Variants in WWOX observed in about 807,000 individuals in gnomAD.
WWOX encodes WW domain containing oxidoreductase.
WWOX carries 69 observed loss-of-function variants against 46.2 expected under a neutral mutation model. The ratio of observed to expected loss-of-function variants is 1.49; its 90% confidence interval spans 1.23 to 1.82. The LOEUF is 1.82. Ranked by LOEUF, WWOX falls within the 40% of genes most tolerant of loss-of-function variation. WWOX has a pLI of 0.00. For synonymous variants in WWOX, 359 were observed against 202.6 expected, an observed-to-expected ratio of 1.77 and a Z score of -6.56; for missense variants, 919 against 542.6, an observed-to-expected ratio of 1.69 and a Z score of -6.89.
At chr16:78,373,740 T>C (rs1046778068) in intron 5 of WWOX, among the ~76,000 whole-genome samples, 4 of 152,186 alleles carry the variant, frequency 2.6e-5, no homozygotes, top group African/African-American at 7.2e-5. Flanking sequence ...TGTATTTCAT[T>C]GTGTTTTCTT....
At chr16:78,769,817 GACAACATAGGGAGGTCCTGTCTCT>G (rs2050020341) in intron 8 of WWOX, among the ~76,000 whole-genome samples, 2 of 150,440 alleles carry the variant, frequency 1.3e-5, no homozygotes, top group African/African-American at 4.9e-5. Context: ...GATCAGTGTG[GACAACATAGGGAGGTCCTGTCTCT>G]ACAAAAAATA....
intron 8 of WWOX, among the ~76,000 whole-genome samples, chr16:78,982,149 G>A (rs908290882): frequency 2.7e-5 from 4 of 146,952 alleles, no homozygotes; most frequent in Non-Finnish European, 6.0e-5. Flanking sequence ...CAGAGGAAAA[G>A]AAGAAAAAAA....
intron 8 of WWOX, among the ~76,000 whole-genome samples, chr16:79,189,520 C>T (rs546338021): frequency 1.6e-4 from 24 of 151,570 alleles, no homozygotes; most frequent in Non-Finnish European, 2.9e-4. Context: ...AGGCCGGTCT[C>T]AAACTCCTAG....
intron 8 of WWOX, among the ~76,000 whole-genome samples, chr16:78,758,550 T>G (rs1283679160): frequency 6.6e-6 from 1 of 152,226 alleles, no homozygotes; most frequent in African/African-American, 2.4e-5. Flanking sequence ...ATCTATACTT[T>G]TCAACACAAT....
chr16:79,023,040 T>C (rs2047565813), intron 8 of WWOX, among the ~76,000 whole-genome samples: 1 of 151,218 alleles, frequency 6.6e-6, no homozygotes. Context: ...TGCTGTTGGC[T>C]TATTGAAAAA....
chr16:78,522,368 G>C (rs2043367529), intron 8 of WWOX, among the ~76,000 whole-genome samples: 1 of 152,122 alleles, frequency 6.6e-6, no homozygotes, highest in African/African-American at 2.4e-5. Flanking sequence ...GTGTTTCTGA[G>C]GCCAAGCCTT....
chr16:78,841,096 T>A (rs1200428142), intron 8 of WWOX, among the ~76,000 whole-genome samples: 1 of 152,138 alleles, frequency 6.6e-6, no homozygotes, highest in Non-Finnish European at 1.5e-5. Flanking sequence ...GACATTCATT[T>A]CGGTAAAAAA....
intron 8 of WWOX, among the ~76,000 whole-genome samples, chr16:79,015,055 G>A (rs1458786845): frequency 1.3e-5 from 2 of 152,164 alleles, no homozygotes; most frequent in Non-Finnish European, 2.9e-5. Flanking sequence ...CCTTTCTCCT[G>A]CTGTCATCCT....
intron 5 of WWOX, among the ~76,000 whole-genome samples, chr16:78,255,963 A>G (rs2038118659): frequency 6.6e-6 from 1 of 151,996 alleles, no homozygotes; most frequent in Non-Finnish European, 1.5e-5. Flanking sequence ...CAGCCTGGCC[A>G]ACATGGTGAA....
intron 8 of WWOX, among the ~76,000 whole-genome samples, chr16:79,145,022 G>A (rs2050159183): frequency 6.6e-6 from 1 of 152,114 alleles, no homozygotes; most frequent in South Asian, 2.1e-4. Flanking sequence ...TGCAGAAGCG[G>A]AGGCTACTGT....
In WWOX at chr16:79,212,451, CAA is replaced by C. The variant is rs1183154022; in HGVS notation, c.*657_*658del. 6 of 256,278 alleles carry C rather than the reference CAA, an allele frequency of 2.3e-5. No homozygotes were observed. The highest frequency in any genetic ancestry group is 4.5e-5 in the Non-Finnish European group (6 of 132,994). The allele number at this position is 256,278 out of a possible 1,614,324, so 15.9% of individuals were successfully genotyped here. ...GCAAAAAATTCTTTAGAGATTATAA[CAA>C]ATTTTTCAAATCATTCCTTAGATAC... On this transcript the variant is annotated 3_prime_UTR_variant, in exon 9 of 9. Coordinates refer to ENST00000566780, the MANE Select transcript of WWOX (RefSeq NM_016373.4).
At chr16:78,382,892 A>G (rs959195893) in intron 5 of WWOX, among the ~76,000 whole-genome samples, 3 of 152,054 alleles carry the variant, frequency 2.0e-5, no homozygotes, top group Non-Finnish European at 2.9e-5. Context: ...TGTGTAATTT[A>G]TAAAGAAAGC....
At chr16:78,125,184 T>C (rs761887812) in intron 4 of WWOX, among the ~76,000 whole-genome samples, 3 of 152,220 alleles carry the variant, frequency 2.0e-5, no homozygotes, top group Non-Finnish European at 2.9e-5. Flanking sequence ...TCCGTACTTG[T>C]CATATTTAAT....
At chr16:78,679,253 G>A (rs767160182) in intron 8 of WWOX, among the ~76,000 whole-genome samples, 4 of 152,184 alleles carry the variant, frequency 2.6e-5, no homozygotes, top group Non-Finnish European at 4.4e-5. Flanking sequence ...GGTAGAGGTA[G>A]AAAGATGGGT....
At chr16:78,629,175 T>G (rs916298620) in intron 8 of WWOX, among the ~76,000 whole-genome samples, 1 of 152,102 alleles carries the variant, frequency 6.6e-6, no homozygotes, top group Non-Finnish European at 1.5e-5. Context: ...GAGTTTTCCC[T>G]TTGGGGTTCT....
intron 8 of WWOX, among the ~76,000 whole-genome samples, chr16:78,819,429 C>T (rs1320083097): frequency 2.0e-5 from 3 of 152,182 alleles, no homozygotes; most frequent in Non-Finnish European, 4.4e-5. Flanking sequence ...AGTTACTGCC[C>T]CTTTCCATGA....
intron 8 of WWOX, among the ~76,000 whole-genome samples, chr16:78,871,366 A>G (rs975728936): frequency 2.0e-5 from 3 of 152,160 alleles, no homozygotes; most frequent in African/African-American, 7.2e-5. Context: ...CGATGCCTGG[A>G]TTAAAGCCTT....
chr16:78,624,876 C>T lies in WWOX; in HGVS notation c.1056+192124C>T, dbSNP rs555590455. On this transcript the variant is annotated intron_variant, in intron 8 of 8. Coordinates refer to ENST00000566780, the MANE Select transcript of WWOX (RefSeq NM_016373.4). Reference sequence around the variant, plus strand: ...GTATGAACATGATTTTGAATGCTGGCATGGTGATGAAAGGTGATGTTCACC... The same window carrying T: ...GTATGAACATGATTTTGAATGCTGGTATGGTGATGAAAGGTGATGTTCACC... Among the ~76,000 whole-genome samples, 9 of 152,298 alleles carry T rather than the reference C, an allele frequency of 5.9e-5. No homozygotes were observed. In the South Asian group the frequency reaches 1.7e-3, roughly 28 times the overall value.
intron 8 of WWOX, among the ~76,000 whole-genome samples, chr16:78,709,875 C>T (rs1597474816): frequency 6.6e-6 from 1 of 151,984 alleles, no homozygotes; most frequent in Non-Finnish European, 1.5e-5. Context: ...ATTACAGGCA[C>T]CCGCCACCCG....
Sources: gnomAD v4.1 joint callset for allele counts (sites outside exome capture counted in the v4.1 genomes callset) on GRCh38, gnomAD v4.1.1 for gene constraint, MANE v1.5 for transcripts, NCBI Gene and HGNC (gene_info 2026-07-23, HGNC 2026-07-21) for gene names.